Variants in TNFSF8 observed in about 807,000 individuals in gnomAD.
TNFSF8 encodes tumor necrosis factor ligand superfamily member 8.
Under a neutral mutation model 22.0 loss-of-function variants are expected in TNFSF8, and 4 were observed. The ratio of observed to expected loss-of-function variants is 0.18; its 90% CI spans 0.09 to 0.42. The LOEUF (loss-of-function observed/expected upper bound fraction) is 0.42. TNFSF8 is among the 10% of genes least tolerant of loss of function. TNFSF8 has a pLI of 1.00. For missense variants in TNFSF8, 233 were observed against 281.8 expected, an observed-to-expected ratio of 0.83 and a Z score of 1.24; for synonymous variants, 106 against 112.5, an observed-to-expected ratio of 0.94 and a Z score of 0.37.
chr9:114,923,006 G>C (rs192503912), intron 1 of TNFSF8, among the ~76,000 whole-genome samples: 5 of 152,238 alleles, frequency 3.3e-5, no homozygotes, highest in Admixed American at 3.3e-4. Flanking sequence ...TTGAGAGATG[G>C]CTGTAGGAGG....
At chr9:114,919,815 G>T (rs1029586803) in intron 1 of TNFSF8, among the ~76,000 whole-genome samples, 4 of 152,236 alleles carry the variant, frequency 2.6e-5, no homozygotes, top group African/African-American at 7.2e-5. Context: ...TTTGCCTTCC[G>T]CTGAAAGCTT....
chr9:114,925,851 A>C (rs1828050722), intron 1 of TNFSF8, among the ~76,000 whole-genome samples: 1 of 152,142 alleles, frequency 6.6e-6, no homozygotes, highest in Non-Finnish European at 1.5e-5. Context: ...CTCCTGGTTT[A>C]CAAAACAAAG....
At chr9:114,899,340 T>A (rs1010828472), downstream of TNFSF8, among the ~76,000 whole-genome samples, 5 of 98,270 alleles carry the variant, frequency 5.1e-5, no homozygotes, top group African/African-American at 1.3e-4. Flanking sequence ...TCACAGTAAG[T>A]TATTATTTTT....
intron 4 of TNFSF8, chr9:114,894,306 TAGAC>T: frequency 1.4e-6 from 1 of 690,816 alleles, no homozygotes; most frequent in Non-Finnish European, 2.5e-6. Flanking sequence ...AGTAAATTTT[TAGAC>T]AGAAGTGAGA....
rs1047027612 is a variant in TNFSF8 at position 114,904,009 on chromosome 9, A to G, written c.627T>C (p.Asp209=). ...TGCTTGTATCTATGTACTGGAATGT[A>G]TCCACATTGACTGATATGGTGGTGT... ...QVNTTISVNV[D]TFQYIDTSTF... is the part of the protein sequence containing the mutation. The change falls in exon 4 of 4, where the codon GAT becomes GAC. Residue 209 remains aspartate (D), a synonymous_variant. Transcript: ENST00000223795. The G allele has an allele frequency of 9.9e-6, 16 of 1,614,034 alleles. No individual in the cohort carries two copies. Among genetic ancestry groups the G allele is most frequent in the African/African-American group, 6.7e-5 (5 of 74,936 alleles).
chr9:114,908,197 A>C (rs530346118), intron 2 of TNFSF8, among the ~76,000 whole-genome samples: 3 of 151,952 alleles, frequency 2.0e-5, no homozygotes, highest in African/African-American at 4.8e-5. Flanking sequence ...CTGTTTATAA[A>C]CCCCCACTGC....
At position 114,902,596 on chromosome 9, in the gene TNFSF8, G is replaced by A. The variant is rs1827730998; in HGVS notation, c.*1335C>T. The A allele has an allele frequency of 3.0e-6, 3 of 985,370 alleles. No individual in the cohort carries two copies. The highest frequency in any genetic ancestry group is 3.6e-6 in the Non-Finnish European group (3 of 829,924). 61.0% of individuals were successfully genotyped at this position (985,370 alleles called of 1,614,324 possible). A position where few individuals can be genotyped will look rare whatever the true frequency, so the allele number is the denominator to read the frequency against. ...CCTGCTGTTCACACCATTCAGCAGG[G>A]CACCCTGAACCTTGTCCCCATATTC... On this transcript the variant is annotated 3_prime_UTR_variant, in exon 4 of 4. Transcript: ENST00000223795.
chr9:114,906,513 T>A (rs575369233), intron 2 of TNFSF8, among the ~76,000 whole-genome samples: 2 of 152,260 alleles, frequency 1.3e-5, no homozygotes, highest in South Asian at 4.1e-4. Context: ...TCAGACAAGT[T>A]TGTGTAAATG....
At chr9:114,912,544 C>A (rs1248898847) in intron 2 of TNFSF8, among the ~76,000 whole-genome samples, 1 of 152,026 alleles carries the variant, frequency 6.6e-6, no homozygotes, top group Non-Finnish European at 1.5e-5. Context: ...CGTGTGCCAC[C>A]ATGCCCAGCT....
intron 3 of TNFSF8, 78 bp from the exon 4 acceptor site, chr9:114,904,403 A>C (rs970149203): frequency 6.6e-7 from 1 of 1,515,062 alleles, no homozygotes; most frequent in East Asian, 2.3e-5. Context: ...TCTTTGTTCA[A>C]AGTTTCCCAT....
At chr9:114,908,324 C>G (rs747974927) in intron 2 of TNFSF8, among the ~76,000 whole-genome samples, 1 of 152,224 alleles carries the variant, frequency 6.6e-6, no homozygotes, top group Admixed American at 6.5e-5. Context: ...TGAATCAGGA[C>G]GCTTGGCTTG....
chr9:114,899,346 T>TTA (rs1554775957), downstream of TNFSF8, among the ~76,000 whole-genome samples: 668 of 143,528 alleles, frequency 4.7e-3, 13 homozygotes, highest in African/African-American at 0.016. Flanking sequence ...TAAGTTATTA[T>TTA]TTTTTTTTTT....
chr9:114,910,241 A>C (rs144203276), intron 2 of TNFSF8, among the ~76,000 whole-genome samples: 1 of 152,324 alleles, frequency 6.6e-6, no homozygotes, highest in Non-Finnish European at 1.5e-5. Flanking sequence ...AGAGATAGAA[A>C]GAGAGGTTGC....
chr9:114,922,698 A>G (rs1828004106), intron 1 of TNFSF8, among the ~76,000 whole-genome samples: 1 of 152,172 alleles, frequency 6.6e-6, no homozygotes, highest in African/African-American at 2.4e-5. Flanking sequence ...TTCATGGAAA[A>G]GTGAATAGAA....
chr9:114,902,533 G>T lies in TNFSF8; in HGVS notation c.*1398C>A. On this transcript the variant is annotated 3_prime_UTR_variant, in exon 4 of 4. Coordinates refer to ENST00000223795, the MANE Select transcript of TNFSF8 (RefSeq NM_001244.4). ...CCAGATGGTCTCTTAGATTCTGGAT[G>T]GTCAGTGTGGTAGTTCTTTCCATTA... 1 of 985,410 alleles carries T rather than the reference G, an allele frequency of 1.0e-6. No homozygotes were observed. The highest frequency in any genetic ancestry group is 1.2e-6 in the Non-Finnish European group (1 of 829,934). 61.0% of individuals were successfully genotyped at this position (985,410 alleles called of 1,614,324 possible). A position where few individuals can be genotyped will look rare whatever the true frequency, so the allele number is the denominator to read the frequency against.
intron 3 of TNFSF8, among the ~76,000 whole-genome samples, chr9:114,905,598 G>T (rs371587298): frequency 3.3e-5 from 5 of 152,318 alleles, no homozygotes; most frequent in African/African-American, 1.2e-4. Flanking sequence ...GCAACATAAA[G>T]GAGTGAATGG....
chr9:114,909,419 G>A (rs76511172), intron 2 of TNFSF8, among the ~76,000 whole-genome samples: 9,590 of 152,200 alleles, frequency 0.063, 1,059 homozygotes, highest in African/African-American at 0.22. Flanking sequence ...TGCAAGTCAC[G>A]GCTGAGTTGA....
intron 2 of TNFSF8, among the ~76,000 whole-genome samples, chr9:114,912,772 G>A (rs1827868360): frequency 6.6e-6 from 1 of 152,218 alleles, no homozygotes; most frequent in African/African-American, 2.4e-5. Context: ...TTGGATTAAT[G>A]TCACTGCCTT....
chr9:114,894,070 C>A (rs564392899), exon 5 of TNFSF8: 4 of 1,533,972 alleles, frequency 2.6e-6, no homozygotes, highest in Non-Finnish European at 3.5e-6. Context: ...CAGCAACCAG[C>A]ATCAAGGTTC....
Sources: allele counts gnomAD v4.1 joint callset (sites outside exome capture counted in the v4.1 genomes callset), GRCh38; gene constraint gnomAD v4.1.1; transcripts MANE v1.5; gene names NCBI Gene and HGNC (gene_info 2026-07-23, HGNC 2026-07-21).